MYOZ2: variants seen among roughly 807,000 people sequenced by gnomAD.
MYOZ2 encodes myozenin 2, also known as myozenin-2.
A neutral mutation model predicts 25.4 loss-of-function variants in MYOZ2; 19 were observed. The ratio of observed to expected loss-of-function variants is 0.75; its 90% CI spans 0.52 to 1.10. MYOZ2 has a LOEUF of 1.10. Ranked by LOEUF, MYOZ2 falls within the 50% of genes least tolerant of loss-of-function variation. The pLI, the probability that MYOZ2 is intolerant of heterozygous loss-of-function variation, is 0.00. For synonymous variants in MYOZ2, 92 were observed against 106.9 expected (o/e 0.86, Z 0.86); for missense variants, 270 against 317.9 (o/e 0.85, Z 1.15).
chr4:119,138,064 T>C (rs1288526077), intron 2 of MYOZ2, among the ~76,000 whole-genome samples: 1 of 152,022 alleles, frequency 6.6e-6, no homozygotes, highest in Non-Finnish European at 1.5e-5. Context: ...GGGTAAGAAG[T>C]TTTTTTTCCT....
At chr4:119,175,184 G>A (rs192206488) in intron 5 of MYOZ2, among the ~76,000 whole-genome samples, 41 of 151,926 alleles carry the variant, frequency 2.7e-4, no homozygotes, top group African/African-American at 8.7e-4. Flanking sequence ...TAAAACAGAA[G>A]GAAATGTTTT....
chr4:119,162,001 G>A (rs1741719314), intron 4 of MYOZ2, among the ~76,000 whole-genome samples: 1 of 152,086 alleles, frequency 6.6e-6, no homozygotes, highest in South Asian at 2.1e-4. Context: ...TCCAGGAAAG[G>A]AATAGGAAAT....
Position 119,164,216 on chromosome 4 carries a change from T to C in MYOZ2, c.382T>C (p.Ser128Pro). The change falls in exon 5 of 6, where the codon TCT (serine) becomes CCT (proline). Residue 128 changes from serine to proline, a missense_variant. Physicochemically the swap from Ser to Pro is moderately conservative, Grantham distance 74 (BLOSUM62 -1). Coordinates refer to ENST00000307128, the MANE Select transcript of MYOZ2 (RefSeq NM_016599.5). ...PNPDNIAPGY[S>P]GPLKEIPPEK... ...TTTGCTATATTTTTCCAAAGGATATTCTGGACCACTGAAGGAAATTCCTCC... is the reference window on the plus strand; with the variant it reads ...TTTGCTATATTTTTCCAAAGGATATCCTGGACCACTGAAGGAAATTCCTCC... The C allele has an allele frequency of 6.2e-7, 1 of 1,613,838 alleles. No homozygotes were observed. The highest frequency in any genetic ancestry group is 8.5e-7 in the Non-Finnish European group (1 of 1,179,766).
At chr4:119,161,505 T>C (rs568271036) in intron 4 of MYOZ2, among the ~76,000 whole-genome samples, 6 of 152,252 alleles carry the variant, frequency 3.9e-5, no homozygotes, top group African/African-American at 7.2e-5. Flanking sequence ...ATTTCAGTTA[T>C]ATTAAAACAT....
chr4:119,174,571 GTATC>G (rs1361159042), intron 5 of MYOZ2, among the ~76,000 whole-genome samples: 2 of 152,076 alleles, frequency 1.3e-5, no homozygotes, highest in Non-Finnish European at 2.9e-5. Context: ...TCCATACTCT[GTATC>G]TAACTAATCT....
chr4:119,154,873 A>ATG (rs1561113755), intron 3 of MYOZ2, among the ~76,000 whole-genome samples: 16 of 76,820 alleles, frequency 2.1e-4, no homozygotes, highest in African/African-American at 9.6e-4. Context: ...ACACACACGC[A>ATG]CACACACACA....
chr4:119,164,819 C>T (rs557630476), intron 5 of MYOZ2, among the ~76,000 whole-genome samples: 61 of 152,146 alleles, frequency 4.0e-4, no homozygotes, highest in African/African-American at 1.4e-3. Flanking sequence ...TACATTTTTG[C>T]AGGCTTTAGG....
At chr4:119,164,728 A>C (rs755028512) in intron 5 of MYOZ2, among the ~76,000 whole-genome samples, 1 of 152,178 alleles carries the variant, frequency 6.6e-6, no homozygotes, top group Non-Finnish European at 1.5e-5. Context: ...CATTGTTTCA[A>C]ATGGCAATAC....
chr4:119,158,271 G>A (rs1277740739), intron 4 of MYOZ2, 120 bp downstream of exon 4: 3 of 1,383,386 alleles, frequency 2.2e-6, no homozygotes, highest in Non-Finnish European at 3.0e-6. Context: ...CATTAAGTAT[G>A]TTTTTGGGCC....
intron 4 of MYOZ2, among the ~76,000 whole-genome samples, chr4:119,160,941 AAC>A (rs1158638284): frequency 2.8e-4 from 4 of 14,208 alleles, no homozygotes; most frequent in African/African-American, 6.7e-4. Context: ...ATATATAAAT[AAC>A]TGTATTATTC....
intron 4 of MYOZ2, among the ~76,000 whole-genome samples, chr4:119,162,529 G>A (rs770340315): frequency 3.8e-4 from 58 of 152,188 alleles, no homozygotes; most frequent in Non-Finnish European, 6.3e-4. Flanking sequence ...GAAATGTAAA[G>A]AGAATTTTTT....
intron 5 of MYOZ2, among the ~76,000 whole-genome samples, chr4:119,184,181 T>C (rs1742249358): frequency 6.6e-6 from 1 of 152,210 alleles, no homozygotes; most frequent in Non-Finnish European, 1.5e-5. Flanking sequence ...AATTAGGTTA[T>C]ATAATCTCCT....
chr4:119,161,949 C>T (rs1741718472), intron 4 of MYOZ2, among the ~76,000 whole-genome samples: 1 of 152,066 alleles, frequency 6.6e-6, no homozygotes, highest in Non-Finnish European at 1.5e-5. Context: ...TTTTATAAAA[C>T]TTAAAATTGT....
chr4:119,147,900 A>G (rs1175566593), intron 2 of MYOZ2, among the ~76,000 whole-genome samples: 1 of 152,178 alleles, frequency 6.6e-6, no homozygotes, highest in Non-Finnish European at 1.5e-5. Flanking sequence ...GGAGAAGGGA[A>G]GCCTATTGTA....
At chr4:119,175,232 GAAAA>G (rs1300210947) in intron 5 of MYOZ2, among the ~76,000 whole-genome samples, 3 of 151,918 alleles carry the variant, frequency 2.0e-5, no homozygotes, top group Non-Finnish European at 4.4e-5. Context: ...AAATCGGTAG[GAAAA>G]AAACAAAATA....
At chr4:119,155,591 G>A (rs1483344723) in intron 3 of MYOZ2, among the ~76,000 whole-genome samples, 1 of 152,170 alleles carries the variant, frequency 6.6e-6, no homozygotes, top group African/African-American at 2.4e-5. Flanking sequence ...TGGGGCTGAG[G>A]AGGGCAGAGG....
chr4:119,156,323 A>G (rs75164248), intron 3 of MYOZ2, among the ~76,000 whole-genome samples: 5,989 of 151,422 alleles, frequency 0.04, 414 homozygotes, highest in African/African-American at 0.14. Context: ...GATCAAAGGT[A>G]GAAAAGCATA....
chr4:119,137,043 A>C (rs1741045864), intron 2 of MYOZ2, among the ~76,000 whole-genome samples: 1 of 152,106 alleles, frequency 6.6e-6, no homozygotes, highest in African/African-American at 2.4e-5. Context: ...ATTAAGTTGG[A>C]ATTCATATTT....
At chr4:119,171,328 C>G (rs1329442830) in intron 5 of MYOZ2, among the ~76,000 whole-genome samples, 1 of 151,976 alleles carries the variant, frequency 6.6e-6, no homozygotes, top group Non-Finnish European at 1.5e-5. Flanking sequence ...TATTTTTATA[C>G]ACCAGCAATA....
Sources: gnomAD v4.1 joint callset for allele counts (sites outside exome capture counted in the v4.1 genomes callset) on GRCh38, gnomAD v4.1.1 for gene constraint, MANE v1.5 for transcripts, NCBI Gene and HGNC (gene_info 2026-07-23, HGNC 2026-07-21) for gene names.